Variants in PLEKHG7 observed in about 807,000 individuals in gnomAD.
PLEKHG7 encodes the protein pleckstrin homology domain-containing family G member 7.
PLEKHG7 carries 77 observed loss-of-function variants against 85.2 expected under a neutral mutation model. The observed-to-expected ratio is 0.90, with a 90% confidence interval of 0.75 to 1.09. PLEKHG7 has a LOEUF of 1.09. Among genes scored for constraint, PLEKHG7 ranks in the 50% least tolerant of loss-of-function variants. The pLI, the probability that PLEKHG7 is intolerant of heterozygous loss-of-function variation, is 0.00. For synonymous variants in PLEKHG7, 301 were observed against 302.4 expected, an observed-to-expected ratio of 1.00 and a Z score of 0.05; for missense variants, 777 against 804.3, an observed-to-expected ratio of 0.97 and a Z score of 0.41.
Position 92,755,893 on chromosome 12 carries a change from G to C in PLEKHG7, c.1495G>C (p.Val499Leu), listed in dbSNP as rs572936341. ...ATTTAGATATCTACAGGAGATTATAGTGTGGCCACCGCTTTGGGATAGAGA... is the reference window on the plus strand; with the variant it reads ...ATTTAGATATCTACAGGAGATTATACTGTGGCCACCGCTTTGGGATAGAGA... ...QKFRYLQEII[V>L]WPPLWDRDKR... is the part of the protein sequence containing the mutation. The change falls in exon 12 of 17, where the codon GTG (valine) becomes CTG (leucine). Residue 499 changes from valine to leucine, a missense_variant. Around this residue, in one of 3 missense-constraint regions of PLEKHG7, gnomAD observed 520 missense variants for 544.0 expected, o/e 0.96. Coordinates refer to ENST00000344636, the MANE Select transcript of PLEKHG7 (RefSeq NM_001377329.1). The C allele has an allele frequency of 2.5e-6, 4 of 1,613,452 alleles. No individual in the cohort carries two copies. In the Admixed American group the frequency reaches 6.7e-5, roughly 27 times the overall value.
chr12:92,746,804 C>T (rs1872546503), intron 10 of PLEKHG7, among the ~76,000 whole-genome samples: 1 of 152,160 alleles, frequency 6.6e-6, no homozygotes, highest in Admixed American at 6.5e-5. Context: ...GAGTAAATAG[C>T]ATTAGGAAAA....
chr12:92,757,181 T>C (rs183682088), intron 13 of PLEKHG7, among the ~76,000 whole-genome samples: 1 of 152,314 alleles, frequency 6.6e-6, no homozygotes, highest in African/African-American at 2.4e-5. Flanking sequence ...TTTACAGTGA[T>C]CTCCTGTGCT....
At chr12:92,764,292 T>C in intron 15 of PLEKHG7, 98 bp downstream of exon 15, 14 of 1,252,640 alleles carry the variant, frequency 1.1e-5, no homozygotes, top group Non-Finnish European at 1.5e-5. Context: ...ATTCAAGTCT[T>C]CATAAAAACA....
intron 3 of PLEKHG7, among the ~76,000 whole-genome samples, chr12:92,723,929 C>T (rs1266299509): frequency 6.6e-6 from 1 of 152,166 alleles, no homozygotes; most frequent in Non-Finnish European, 1.5e-5. Context: ...AGAGTGTATA[C>T]ATCTAGAGTT....
In PLEKHG7 at chr12:92,729,060, C is replaced by G. The variant is rs529073697; in HGVS notation, c.598C>G (p.Leu200Val). The change falls in exon 4 of 17, where the codon CTT (leucine) becomes GTT (valine). Residue 200 changes from leucine (L) to valine (V), a missense_variant. Physicochemically the swap from Leu to Val is conservative, Grantham distance 32. Around this residue, in one of 3 missense-constraint regions of PLEKHG7, gnomAD observed 252 missense variants for 241.9 expected, o/e 1.04. Coordinates refer to ENST00000344636, the MANE Select transcript of PLEKHG7 (RefSeq NM_001377329.1). ...TGGACTTGAGGTGTTCCCCGGGGAC[C>G]TTCTGGTGTCAGATGGAGCTGCTGA... is the stretch of plus-strand genomic sequence containing the variant. Reference protein sequence around the residue: ...LPGLEVFPGDLLVSDGAADYL... With the variant: ...LPGLEVFPGDVLVSDGAADYL... 1.3e-5 allele frequency: 16 copies of G among 1,231,728 alleles called. No homozygotes were observed. Among genetic ancestry groups the G allele is most frequent in the Non-Finnish European group, 1.5e-5 (15 of 987,806 alleles). 76.3% of individuals were successfully genotyped at this position (1,231,728 alleles called of 1,614,324 possible). A position where few individuals can be genotyped will look rare whatever the true frequency, so the allele number is the denominator to read the frequency against.
intron 7 of PLEKHG7, 54 bp downstream of exon 7, chr12:92,737,575 G>T: frequency 6.5e-7 from 1 of 1,535,544 alleles, no homozygotes; most frequent in Non-Finnish European, 8.9e-7. Context: ...TTGTTTTTTT[G>T]GGCACTTGTT....
intron 9 of PLEKHG7, 134 bp downstream of exon 9, chr12:92,741,726 C>A: frequency 4.1e-6 from 2 of 491,984 alleles, no homozygotes; most frequent in Admixed American, 3.9e-5. Flanking sequence ...GGAACTGTCC[C>A]TTTCTCTGCC....
At chr12:92,719,343 A>G (rs1278038101) in intron 3 of PLEKHG7, among the ~76,000 whole-genome samples, 2 of 152,240 alleles carry the variant, frequency 1.3e-5, no homozygotes, top group Non-Finnish European at 2.9e-5. Flanking sequence ...AAATTGCACT[A>G]TATTTCTTGC....
At chr12:92,724,329 T>C (rs1280121174) in intron 3 of PLEKHG7, among the ~76,000 whole-genome samples, 1 of 152,202 alleles carries the variant, frequency 6.6e-6, no homozygotes, top group Non-Finnish European at 1.5e-5. Flanking sequence ...CCTCCATCCT[T>C]ATAACTATCA....
intron 5 of PLEKHG7, among the ~76,000 whole-genome samples, chr12:92,734,447 A>G (rs1872080396): frequency 6.6e-6 from 1 of 152,236 alleles, no homozygotes; most frequent in Non-Finnish European, 1.5e-5. Flanking sequence ...ATGTGAACTC[A>G]TAAATTCTAC....
chr12:92,760,643 C>T (rs934919622), intron 13 of PLEKHG7, among the ~76,000 whole-genome samples: 2 of 152,102 alleles, frequency 1.3e-5, no homozygotes, highest in African/African-American at 4.8e-5. Flanking sequence ...TAAATTTAAC[C>T]CTTTTTTCTA....
In PLEKHG7 at chr12:92,771,995, C is replaced by A. The variant is rs1873448478; in HGVS notation, c.*1800C>A. ...TATATTAGATGTTTGAGGATATGCA[C>A]ATTAAACTCTTTGGAGGGTTTAGAA... On this transcript the variant is annotated 3_prime_UTR_variant, in exon 17 of 17. Transcript: ENST00000344636. 1 of 151,796 alleles carries A rather than the reference C, an allele frequency of 6.6e-6. No homozygotes were observed. The highest frequency in any genetic ancestry group is 6.6e-5 in the Admixed American group (1 of 15,208). 9.4% of individuals were successfully genotyped at this position (151,796 alleles called of 1,614,324 possible).
chr12:92,753,569 C>T (rs1210509504), intron 10 of PLEKHG7, among the ~76,000 whole-genome samples: 1 of 152,220 alleles, frequency 6.6e-6, no homozygotes, highest in African/African-American at 2.4e-5. Flanking sequence ...CTCTACCTCT[C>T]TCCTCTCCTC....
intron 1 of PLEKHG7, among the ~76,000 whole-genome samples, chr12:92,704,996 T>C (rs1871191616): frequency 6.6e-6 from 1 of 152,222 alleles, no homozygotes. Flanking sequence ...GCTCCTCCTC[T>C]ACTGATAGGA....
intron 10 of PLEKHG7, among the ~76,000 whole-genome samples, chr12:92,748,279 T>C (rs1208019056): frequency 6.7e-6 from 1 of 150,360 alleles, no homozygotes; most frequent in African/African-American, 2.5e-5. Context: ...CAGAGTTTTG[T>C]TTTCTCACCC....
rs185183833 is a variant in PLEKHG7 at position 92,767,971 on chromosome 12, C to T, written c.1871-1012C>T. Among the ~76,000 whole-genome samples the T allele has an allele frequency of 2.0e-4, 31 of 151,982 alleles. No individual in the cohort carries two copies. In the East Asian group the frequency reaches 4.5e-3, roughly 22 times the overall value. On this transcript the variant is annotated intron_variant, in intron 15 of 16. Transcript: ENST00000344636. ...CTATAATCCTAGCACTTTGGGACGC[C>T]GAGGTTGGGTGGATCATGAGGTTAG...
chr12:92,758,096 A>G (rs1242292051), intron 13 of PLEKHG7, among the ~76,000 whole-genome samples: 1 of 152,218 alleles, frequency 6.6e-6, no homozygotes, highest in African/African-American at 2.4e-5. Flanking sequence ...AAGTAATTAT[A>G]TTTTATGACA....
Position 92,769,142 on chromosome 12 carries a change from G to C in PLEKHG7, c.1968+62G>C, listed in dbSNP as rs941622169. The C allele has an allele frequency of 1.4e-5, 17 of 1,244,670 alleles. 1 individual carries two copies. The highest frequency in any genetic ancestry group is 1.8e-5 in the Non-Finnish European group (16 of 876,342). 77.1% of individuals were successfully genotyped at this position (1,244,670 alleles called of 1,614,324 possible). A position where few individuals can be genotyped will look rare whatever the true frequency, so the allele number is the denominator to read the frequency against. ...GAGTTTACATAAGCTCCCCCCAAGT[G>C]TCTTAAGTAACAGTGAATGGAAAGT... is the stretch of plus-strand genomic sequence containing the variant. On this transcript the variant is annotated intron_variant, in intron 16 of 16. Coordinates refer to ENST00000344636, the MANE Select transcript of PLEKHG7 (RefSeq NM_001377329.1).
At chr12:92,737,097 C>A (rs1872174991) in intron 6 of PLEKHG7, among the ~76,000 whole-genome samples, 2 of 152,234 alleles carry the variant, frequency 1.3e-5, no homozygotes, top group Non-Finnish European at 2.9e-5. Flanking sequence ...TTCAAAACAT[C>A]ATCAATCTGA....
Sources: gnomAD v4.1 joint callset for allele counts (sites outside exome capture counted in the v4.1 genomes callset) on GRCh38, gnomAD v4.1.1 for gene constraint, gnomAD v4.1.1 regional missense constraint, MANE v1.5 for transcripts, NCBI Gene and HGNC (gene_info 2026-07-23, HGNC 2026-07-21) for gene names.